Variants in CEP192 observed in about 807,000 individuals in gnomAD.
The protein encoded by CEP192 is centrosomal protein of 192 kDa.
CEP192 carries 151 observed loss-of-function variants against 271.8 expected under a neutral mutation model. The observed-to-expected ratio is 0.56, with a 90% CI of 0.49 to 0.64. The LOEUF is 0.64. CEP192 is among the 30% of genes least tolerant of loss of function. CEP192 has a pLI of 0.00. For missense variants in CEP192, 2,910 were observed against 3,020.5 expected (o/e 0.96, Z 0.86); for synonymous variants, 995 against 1,076.5 (o/e 0.92, Z 1.48).
At position 13,055,777 on chromosome 18, in the gene CEP192, C is replaced by CAG; in HGVS notation, c.3190_3191dup. 6.5e-7 allele frequency: 1 copy of CAG among 1,536,966 alleles called. No homozygotes were observed. The highest frequency in any genetic ancestry group is 8.7e-7 in the Non-Finnish European group (1 of 1,145,302). ...TATTAAAAACAAATTTTGTTGCACTCAGAGTGATATCACCAGCGAGTTGAG... is the reference window on the plus strand; with the variant it reads ...TATTAAAAACAAATTTTGTTGCACTCAGAGAGTGATATCACCAGCGAGTTGAG... On this transcript the variant is annotated splice_polypyrimidine_tract_variant and splice_region_variant and intron_variant, in intron 18 of 44. Coordinates refer to ENST00000506447, the MANE Select transcript of CEP192 (RefSeq NM_032142.4).
chr18:12,997,774 A>G (rs1973779), intron 1 of CEP192, among the ~76,000 whole-genome samples: 106,315 of 152,088 alleles, frequency 0.7, 38,188 homozygotes, highest in African/African-American at 0.86. Context: ...ACCCAGGCTG[A>G]AGTACAGGGG....
intron 1 of CEP192, among the ~76,000 whole-genome samples, chr18:12,997,752 TCTCGCTCCATCACCCA>T (rs1568253540): frequency 3.3e-5 from 5 of 152,090 alleles, no homozygotes; most frequent in African/African-American, 4.8e-5. Context: ...GGGGATAGAG[TCTCGCTCCATCACCCA>T]GGCTGAAGTA....
intron 20 of CEP192, chr18:13,058,698 G>C (rs2037245743): frequency 5.2e-6 from 1 of 191,604 alleles, no homozygotes; most frequent in Non-Finnish European, 1.1e-5. Flanking sequence ...CAGGGCTGTG[G>C]GACCTCAGCG....
chr18:13,048,905 T>C lies in CEP192; in HGVS notation c.2114T>C (p.Leu705Pro). ...SNKPQRYKDK[L>P]PDSGDSMLRI... ...AAACCCCAAAGATACAAAGACAAGC[T>C]ACCAGATAGTGGTGATTCTATGCTT... Residue 705 changes from leucine to proline, a missense_variant, in exon 16 of 45, where the codon CTA becomes CCA. Physicochemically the swap from Leu to Pro is moderately conservative, Grantham distance 98. Coordinates refer to ENST00000506447, the MANE Select transcript of CEP192 (RefSeq NM_032142.4). 2 of 1,611,818 alleles carry C rather than the reference T, an allele frequency of 1.2e-6. No homozygotes were observed. The highest frequency in any genetic ancestry group is 1.7e-6 in the Non-Finnish European group (2 of 1,178,446).
chr18:13,030,741 T>C, intron 11 of CEP192, 133 bp downstream of exon 11: 1 of 673,892 alleles, frequency 1.5e-6, no homozygotes, highest in Non-Finnish European at 2.4e-6. Flanking sequence ...ACTTCACTTG[T>C]TTTTATAGGA....
chr18:13,079,723 C>A (rs963948127), intron 30 of CEP192, among the ~76,000 whole-genome samples: 4 of 152,156 alleles, frequency 2.6e-5, no homozygotes, highest in Admixed American at 6.5e-5. Flanking sequence ...TACCTATGTC[C>A]TAAATGGTAT....
In CEP192 at chr18:13,032,935, A is replaced by G. The variant is rs542653380; in HGVS notation, c.1534+2327A>G. Among the ~76,000 whole-genome samples the G allele has an allele frequency of 9.2e-5, 14 of 152,336 alleles. No homozygotes were observed. The South Asian group carries it at 2.9e-3, about 32-fold the overall frequency. On this transcript the variant is annotated intron_variant, in intron 11 of 44. Transcript: ENST00000506447. Reference sequence around the variant, plus strand: ...AAAGCTGACTAAGAACACACACTCTATAGTTCTATTTGTATACAGCTGGGC... The same window carrying G: ...AAAGCTGACTAAGAACACACACTCTGTAGTTCTATTTGTATACAGCTGGGC...
At chr18:13,013,209 T>C (rs572471751) in intron 5 of CEP192, among the ~76,000 whole-genome samples, 184 bp downstream of exon 5, 1 of 144,154 alleles carries the variant, frequency 6.9e-6, no homozygotes, top group South Asian at 2.1e-4. Context: ...TCAGGGGTAG[T>C]GCTGGTGCCT....
At chr18:13,075,066 T>G (rs1032699998) in intron 30 of CEP192, among the ~76,000 whole-genome samples, 3 of 152,240 alleles carry the variant, frequency 2.0e-5, no homozygotes, top group Non-Finnish European at 4.4e-5. Context: ...ATTGGAAACT[T>G]ACTCTGCAGT....
At chr18:13,010,826 A>G (rs934555275) in intron 4 of CEP192, among the ~76,000 whole-genome samples, 5 of 151,806 alleles carry the variant, frequency 3.3e-5, no homozygotes, top group African/African-American at 1.2e-4. Flanking sequence ...AGCCTGGGTA[A>G]TAAGAGCGAA....
chr18:13,087,427 C>T, intron 31 of CEP192, 104 bp from the exon 32 acceptor site: 1 of 912,986 alleles, frequency 1.1e-6, no homozygotes, highest in Admixed American at 2.8e-5. Flanking sequence ...TGCGTATGCA[C>T]TTGTGTCTGT....
At chr18:13,028,204 T>G (rs116068341) in intron 9 of CEP192, among the ~76,000 whole-genome samples, 166 of 152,318 alleles carry the variant, frequency 1.1e-3, no homozygotes, top group African/African-American at 3.8e-3. Flanking sequence ...TGTCTAAAAT[T>G]TTCTTCTCTT....
intron 3 of CEP192, among the ~76,000 whole-genome samples, chr18:13,007,464 G>A (rs2034055579): frequency 6.6e-6 from 1 of 152,086 alleles, no homozygotes; most frequent in Admixed American, 6.5e-5. Flanking sequence ...CTCAGGGAGG[G>A]CTTTAAACAT....
At chr18:13,092,780 C>G (rs2039209133) in intron 34 of CEP192, among the ~76,000 whole-genome samples, 1 of 152,154 alleles carries the variant, frequency 6.6e-6, no homozygotes, top group Non-Finnish European at 1.5e-5. Flanking sequence ...TTATCATCCT[C>G]TATTTGTATG....
At chr18:13,073,273 C>A in intron 30 of CEP192, 88 bp downstream of exon 30, 1 of 1,144,362 alleles carries the variant, frequency 8.7e-7, no homozygotes, top group Non-Finnish European at 1.2e-6. Flanking sequence ...TACAGTCTGC[C>A]TTTTATAAGT....
At chr18:13,023,877 A>G (rs763592689) in intron 9 of CEP192, among the ~76,000 whole-genome samples, 26 of 152,186 alleles carry the variant, frequency 1.7e-4, no homozygotes, top group Non-Finnish European at 1.6e-4. Flanking sequence ...AAGGTTATTC[A>G]TTATTGCCTT....
At chr18:13,075,308 C>T (rs1157381226) in intron 30 of CEP192, among the ~76,000 whole-genome samples, 2 of 152,086 alleles carry the variant, frequency 1.3e-5, no homozygotes, top group Non-Finnish European at 2.9e-5. Context: ...GGCTCTATGC[C>T]TGTAATCCCA....
In CEP192 at chr18:13,060,845, G is replaced by C. The variant is rs909411460; in HGVS notation, c.4488+1533G>C. ...AAGCTAAGGTGAGAGGATCACTAGA[G>C]CTCAGGAGTTTGAGGCTATAGTGAA... On this transcript the variant is annotated intron_variant, in intron 21 of 44. Coordinates refer to ENST00000506447, the MANE Select transcript of CEP192 (RefSeq NM_032142.4). 2.6e-5 allele frequency among the ~76,000 whole-genome samples: 4 copies of C among 152,096 alleles called. No homozygotes were observed. In the East Asian group the frequency reaches 5.8e-4, roughly 22 times the overall value.
In CEP192 at chr18:13,100,297, C is replaced by G. The variant is rs541876807; in HGVS notation, c.6664-8C>G. 6.2e-7 allele frequency: 1 copy of G among 1,607,796 alleles called. No homozygotes were observed. Among genetic ancestry groups the G allele is most frequent in the Non-Finnish European group, 8.5e-7 (1 of 1,174,500 alleles). ...TTGTAGCTTATCCCTTTATTTGGCT[C>G]ATTTCAGAAAATTGTGAAAGTTCAA... is the stretch of plus-strand genomic sequence containing the variant. On this transcript the variant is annotated splice_region_variant and splice_polypyrimidine_tract_variant and intron_variant, in intron 37 of 44. Transcript: ENST00000506447.
Sources: allele counts gnomAD v4.1 joint callset (sites outside exome capture counted in the v4.1 genomes callset), GRCh38; gene constraint gnomAD v4.1.1; transcripts MANE v1.5; gene names NCBI Gene and HGNC (gene_info 2026-07-23, HGNC 2026-07-21).